Variants in IRAK3 observed in about 807,000 individuals in gnomAD.
The protein encoded by IRAK3 is interleukin 1 receptor associated kinase 3.
In IRAK3, 57 loss-of-function variants were observed where a neutral mutation model predicts 56.6. That is an observed-to-expected ratio of 1.01 (90% CI 0.81 to 1.26). IRAK3 has a LOEUF of 1.26. IRAK3 is among the 50% of genes most tolerant of loss of function. IRAK3 has a pLI of 0.00. For synonymous variants in IRAK3, 258 were observed against 255.7 expected, an observed-to-expected ratio of 1.01 and a Z score of -0.09; for missense variants, 703 against 719.0, an observed-to-expected ratio of 0.98 and a Z score of 0.25.
At position 66,248,108 on chromosome 12, in the gene IRAK3, A is replaced by T; in HGVS notation, c.1728A>T (p.Pro576=). 6.2e-7 allele frequency: 1 copy of T among 1,610,480 alleles called. No homozygotes were observed. Among genetic ancestry groups the T allele is most frequent in the Non-Finnish European group, 8.5e-7 (1 of 1,178,504 alleles). Residue 576 remains proline, a synonymous_variant, in exon 12 of 12, where the codon CCA becomes CCT. Coordinates refer to ENST00000261233, the MANE Select transcript of IRAK3 (RefSeq NM_007199.3). ...CAGGGCATTCTTGCAGGAGCAGGCCAGTGGAGAGCAGCTGTTCCTCCAAAT... is the reference window on the plus strand; with the variant it reads ...CAGGGCATTCTTGCAGGAGCAGGCCTGTGGAGAGCAGCTGTTCCTCCAAAT... The part of the protein sequence containing the change: ...EAPGHSCRSR[P]VESSCSSKFS...
chr12:66,232,132 C>T (rs1302019384), intron 8 of IRAK3, among the ~76,000 whole-genome samples: 5 of 152,156 alleles, frequency 3.3e-5, no homozygotes, highest in African/African-American at 1.2e-4. Context: ...AGAGACAAGG[C>T]TTGAAATGCA....
At chr12:66,196,833 G>T in intron 1 of IRAK3, 3 of 1,436,780 alleles carry the variant, frequency 2.1e-6, no homozygotes, top group South Asian at 1.4e-5. Flanking sequence ...CTAATTTTTT[G>T]CATGCTTTGT....
chr12:66,194,471 T>C (rs1020782410), intron 1 of IRAK3, among the ~76,000 whole-genome samples: 2 of 152,158 alleles, frequency 1.3e-5, no homozygotes, highest in African/African-American at 2.4e-5. Context: ...GTTTTGATCT[T>C]ATTTGATATA....
chr12:66,241,617 C>T (rs1343490620), intron 8 of IRAK3, among the ~76,000 whole-genome samples: 1 of 152,200 alleles, frequency 6.6e-6, no homozygotes, highest in Non-Finnish European at 1.5e-5. Context: ...TCCTCAGCTA[C>T]CGCTAACCTT....
At chr12:66,243,021 G>A (rs1193624939) in intron 8 of IRAK3, among the ~76,000 whole-genome samples, 2 of 151,810 alleles carry the variant, frequency 1.3e-5, no homozygotes, top group Non-Finnish European at 2.9e-5. Flanking sequence ...AGCTGAGATC[G>A]TGCCAATGCG....
chr12:66,234,445 G>C (rs556992845), intron 8 of IRAK3: 1 of 1,611,376 alleles, frequency 6.2e-7, no homozygotes, highest in Non-Finnish European at 8.5e-7. Context: ...AAGTTTGAGT[G>C]ATCATTCGGT....
intron 6 of IRAK3, among the ~76,000 whole-genome samples, chr12:66,217,849 C>G (rs1322840094): frequency 1.4e-4 from 21 of 151,992 alleles, no homozygotes. Context: ...AGTCGGGAAG[C>G]AGGGAGGAAG....
At chr12:66,215,788 A>ACTTG (rs375264640) in intron 5 of IRAK3, among the ~76,000 whole-genome samples, 7 of 131,612 alleles carry the variant, frequency 5.3e-5, no homozygotes, top group Non-Finnish European at 1.0e-4. Context: ...CCCAACATGC[A>ACTTG]CACACACACA....
At chr12:66,212,054 T>C (rs540342389) in intron 5 of IRAK3, among the ~76,000 whole-genome samples, 63 of 147,858 alleles carry the variant, frequency 4.3e-4, no homozygotes, top group Non-Finnish European at 7.1e-4. Context: ...GAGGCTGCAG[T>C]GAGCCAAGAT....
chr12:66,226,674 C>T, intron 6 of IRAK3, 49 bp from the exon 7 acceptor site: 1 of 1,064,014 alleles, frequency 9.4e-7, no homozygotes, highest in Non-Finnish European at 1.5e-6. Context: ...TTGTTCATTT[C>T]CTGTCTGAAT....
intron 1 of IRAK3, among the ~76,000 whole-genome samples, chr12:66,196,404 A>T (rs1235298897): frequency 1.3e-5 from 2 of 152,232 alleles, no homozygotes; most frequent in Non-Finnish European, 2.9e-5. Flanking sequence ...TGTAGGCAAC[A>T]GACCTATAAA....
chr12:66,214,337 A>G (rs530741393), intron 5 of IRAK3, among the ~76,000 whole-genome samples: 1 of 152,008 alleles, frequency 6.6e-6, no homozygotes, highest in South Asian at 2.1e-4. Context: ...CAGACTGGCC[A>G]ACATGGTGAA....
intron 1 of IRAK3, among the ~76,000 whole-genome samples, chr12:66,196,014 A>G (rs545427802): frequency 5.1e-4 from 76 of 149,214 alleles, no homozygotes; most frequent in African/African-American, 1.8e-3. Flanking sequence ...CCTCTTTTCC[A>G]CTTTATTTTT....
At chr12:66,213,193 C>T (rs1206832519) in intron 5 of IRAK3, among the ~76,000 whole-genome samples, 1 of 152,048 alleles carries the variant, frequency 6.6e-6, no homozygotes, top group Non-Finnish European at 1.5e-5. Flanking sequence ...GGGAAACTCC[C>T]ATTTTTAAAA....
At chr12:66,196,722 G>A (rs902947667) in intron 1 of IRAK3, 1 of 230,218 alleles carries the variant, frequency 4.3e-6, no homozygotes, top group African/African-American at 2.3e-5. Flanking sequence ...AATGCTAACA[G>A]TCTGGTATGA....
intron 6 of IRAK3, among the ~76,000 whole-genome samples, chr12:66,220,288 C>G (rs1276139771): frequency 6.6e-6 from 1 of 151,748 alleles, no homozygotes; most frequent in Non-Finnish European, 1.5e-5. Context: ...TTCCCAACAC[C>G]ATTTATTGAA....
chr12:66,199,140 TG>T (rs1224359350), intron 1 of IRAK3, among the ~76,000 whole-genome samples: 5 of 152,236 alleles, frequency 3.3e-5, no homozygotes, highest in African/African-American at 1.2e-4. Context: ...CTTGTTGGAA[TG>T]TTCATTTTGA....
At chr12:66,237,138 C>T (rs1205396672) in intron 8 of IRAK3, among the ~76,000 whole-genome samples, 1 of 152,128 alleles carries the variant, frequency 6.6e-6, no homozygotes, top group African/African-American at 2.4e-5. Flanking sequence ...GAGGCTCAGT[C>T]TCTTACCTCA....
intron 2 of IRAK3, among the ~76,000 whole-genome samples, chr12:66,207,275 A>G (rs936841878): frequency 3.9e-5 from 6 of 152,204 alleles, no homozygotes; most frequent in Non-Finnish European, 8.8e-5. Context: ...GTTCGAGACC[A>G]GCCTGGGCAA....
Sources: gnomAD v4.1 joint callset for allele counts (sites outside exome capture counted in the v4.1 genomes callset) on GRCh38, gnomAD v4.1.1 for gene constraint, MANE v1.5 for transcripts, NCBI Gene and HGNC (gene_info 2026-07-23, HGNC 2026-07-21) for gene names.